Variants in CNTN4 observed in about 807,000 individuals in gnomAD.
CNTN4 encodes the protein contactin-4.
CNTN4 carries 77 observed loss-of-function variants against 122.5 expected under a neutral mutation model. The ratio of observed to expected loss-of-function variants is 0.63; its 90% confidence interval spans 0.52 to 0.76. The LOEUF (loss-of-function observed/expected upper bound fraction) is 0.76, where lower values mean the gene tolerates loss of function less well. Among genes scored for constraint, CNTN4 ranks in the 30% least tolerant of loss-of-function variants. The pLI, the probability that CNTN4 is intolerant of heterozygous loss-of-function variation, is 0.00. For synonymous variants in CNTN4, 512 were observed against 447.0 expected (o/e 1.15, Z -1.83); for missense variants, 1,256 against 1,259.1 (o/e 1.00, Z 0.04).
At chr3:2,225,583 C>CA (rs2039251015) in intron 2 of CNTN4, among the ~76,000 whole-genome samples, 1 of 152,186 alleles carries the variant, frequency 6.6e-6, no homozygotes, top group African/African-American at 2.4e-5. Flanking sequence ...ATCTTTGGTA[C>CA]AGCCAATAGA....
At chr3:2,769,945 A>G (rs2091015980) in intron 6 of CNTN4, among the ~76,000 whole-genome samples, 1 of 151,980 alleles carries the variant, frequency 6.6e-6, no homozygotes. Flanking sequence ...TGCTAGTTTC[A>G]TGGTTAGATT....
At chr3:2,712,674 C>T (rs1328268519) in intron 4 of CNTN4, among the ~76,000 whole-genome samples, 1 of 152,218 alleles carries the variant, frequency 6.6e-6, no homozygotes, top group Non-Finnish European at 1.5e-5. Context: ...CTAATGTTGA[C>T]TGACCACTTC....
chr3:2,503,146 C>T (rs1390526816), intron 3 of CNTN4, among the ~76,000 whole-genome samples: 2 of 152,058 alleles, frequency 1.3e-5, no homozygotes, highest in East Asian at 1.9e-4. Context: ...ATCATTTGAA[C>T]TCAAGATATA....
intron 2 of CNTN4, among the ~76,000 whole-genome samples, chr3:2,186,571 T>A (rs1332152177): frequency 6.6e-6 from 1 of 152,204 alleles, no homozygotes; most frequent in African/African-American, 2.4e-5. Flanking sequence ...TTCCTATTTC[T>A]CCACATCCTC....
At chr3:2,185,129 G>A (rs2037188710) in intron 2 of CNTN4, among the ~76,000 whole-genome samples, 1 of 152,138 alleles carries the variant, frequency 6.6e-6, no homozygotes, top group African/African-American at 2.4e-5. Context: ...TTTTACAGAG[G>A]CTGACATTGA....
chr3:2,392,622 A>G (rs1199505989), intron 3 of CNTN4, among the ~76,000 whole-genome samples: 3 of 152,188 alleles, frequency 2.0e-5, no homozygotes, highest in Non-Finnish European at 4.4e-5. Context: ...CCACCTCCTC[A>G]GATATTTATT....
chr3:2,662,735 G>A (rs188878457), intron 4 of CNTN4, among the ~76,000 whole-genome samples: 6 of 152,238 alleles, frequency 3.9e-5, no homozygotes, highest in Non-Finnish European at 7.4e-5. Context: ...GGCAATCATG[G>A]CACTATTGAC....
intron 16 of CNTN4, among the ~76,000 whole-genome samples, chr3:3,031,912 C>T (rs1251480646): frequency 2.0e-5 from 3 of 152,100 alleles, no homozygotes; most frequent in Admixed American, 6.6e-5. Flanking sequence ...AGGGTATGAG[C>T]GTTGGAGGCA....
chr3:2,665,505 T>C (rs183292560), intron 4 of CNTN4, among the ~76,000 whole-genome samples: 6 of 152,296 alleles, frequency 3.9e-5, no homozygotes, highest in Admixed American at 2.0e-4. Flanking sequence ...GAGATTGACA[T>C]AGAGAAATTG....
intron 7 of CNTN4, among the ~76,000 whole-genome samples, chr3:2,836,733 A>T (rs1014664219): frequency 6.6e-6 from 1 of 151,176 alleles, no homozygotes; most frequent in African/African-American, 2.4e-5. Flanking sequence ...AAATTAAAAA[A>T]TAAAAACATA....
At chr3:2,253,437 GAACA>G (rs1355493075) in intron 2 of CNTN4, among the ~76,000 whole-genome samples, 1 of 152,000 alleles carries the variant, frequency 6.6e-6, no homozygotes, top group African/African-American at 2.4e-5. Flanking sequence ...CGAAACAAAA[GAACA>G]AATATTCTGC....
rs538795860 is a variant in CNTN4 at position 2,821,861 on chromosome 3, A to C, written c.454+2280A>C. On this transcript the variant is annotated intron_variant, in intron 7 of 24. Transcript: ENST00000418658. ...GCCTTAATTTTCAGTTTGACTTTCC[A>C]CATGTTTAAAAGAACAAACTTTTAG... Among the ~76,000 whole-genome samples, 61 of 152,354 alleles carry C rather than the reference A, an allele frequency of 4.0e-4. 1 individual carries two copies. Among genetic ancestry groups the C allele is most frequent in the Middle Eastern group, 6.8e-3 (2 of 294 alleles).
intron 13 of CNTN4, among the ~76,000 whole-genome samples, chr3:2,933,398 C>T (rs11129351): frequency 0.4 from 60,246 of 151,956 alleles, 13,473 homozygotes; most frequent in South Asian, 0.51. Context: ...ATTTGTGACG[C>T]AGGCCATCTG....
intron 14 of CNTN4, among the ~76,000 whole-genome samples, chr3:3,025,888 T>G (rs1698680490): frequency 6.6e-6 from 1 of 152,160 alleles, no homozygotes; most frequent in Non-Finnish European, 1.5e-5. Flanking sequence ...CTGAGAAGGT[T>G]CACATAATGA....
chr3:2,434,656 G>C (rs1668184188), intron 3 of CNTN4, among the ~76,000 whole-genome samples: 1 of 152,148 alleles, frequency 6.6e-6, no homozygotes, highest in African/African-American at 2.4e-5. Context: ...GATGTAATTA[G>C]GTCATTTTCT....
At chr3:2,318,218 T>TCAA (rs2043174757) in intron 2 of CNTN4, among the ~76,000 whole-genome samples, 1 of 112,684 alleles carries the variant, frequency 8.9e-6, no homozygotes, top group Non-Finnish European at 1.8e-5. Context: ...AACTTGTCCC[T>TCAA]AAAAAAAAAA....
intron 2 of CNTN4, among the ~76,000 whole-genome samples, chr3:2,162,691 A>T (rs1449948230): frequency 6.6e-6 from 1 of 152,240 alleles, no homozygotes; most frequent in Non-Finnish European, 1.5e-5. Flanking sequence ...CAAAGCCCAT[A>T]ACCACGAATG....
intron 13 of CNTN4, among the ~76,000 whole-genome samples, chr3:2,982,990 G>T (rs1041204535): frequency 2.0e-5 from 3 of 151,016 alleles, no homozygotes; most frequent in Non-Finnish European, 3.0e-5. Context: ...CGAGGCGGGC[G>T]GATCACGAGG....
intron 2 of CNTN4, among the ~76,000 whole-genome samples, chr3:2,172,607 TAATA>T (rs1332510344): frequency 1.3e-5 from 2 of 152,212 alleles, no homozygotes; most frequent in Non-Finnish European, 2.9e-5. Flanking sequence ...GAAAGCCGTT[TAATA>T]CTTGGTTAAG....
Sources: allele counts gnomAD v4.1 joint callset (sites outside exome capture counted in the v4.1 genomes callset), GRCh38; gene constraint gnomAD v4.1.1; transcripts MANE v1.5; gene names NCBI Gene and HGNC (gene_info 2026-07-23, HGNC 2026-07-21).